Variants in SDC2 observed in about 807,000 individuals in gnomAD.
The protein encoded by SDC2 is syndecan 2, also known as syndecan-2.
Under a neutral mutation model 22.2 loss-of-function variants are expected in SDC2, and 13 were observed. The ratio of observed to expected loss-of-function variants is 0.59; its 90% confidence interval spans 0.38 to 0.93. SDC2 has a LOEUF of 0.93. SDC2 is among the 40% of genes least tolerant of loss of function. The pLI is 0.00. For synonymous variants in SDC2, 94 were observed against 92.8 expected (o/e 1.01, Z -0.07); for missense variants, 235 against 246.8 (o/e 0.95, Z 0.32).
intron 1 of SDC2, among the ~76,000 whole-genome samples, chr8:96,569,649 A>G (rs1016193393): frequency 2.6e-5 from 4 of 152,204 alleles, no homozygotes; most frequent in East Asian, 3.8e-4. Flanking sequence ...AGTGCTTACT[A>G]TGTTTTAGGC....
At chr8:96,514,433 C>T (rs567314389) in intron 1 of SDC2, among the ~76,000 whole-genome samples, 23 of 152,282 alleles carry the variant, frequency 1.5e-4, no homozygotes, top group East Asian at 1.2e-3. Context: ...TTCACTTATC[C>T]GCACTTTGAC....
intron 2 of SDC2, among the ~76,000 whole-genome samples, chr8:96,598,542 C>T (rs547299816): frequency 1.3e-5 from 2 of 151,970 alleles, no homozygotes; most frequent in Admixed American, 1.3e-4. Flanking sequence ...CGCTTGAACT[C>T]GGGAGGCGGA....
chr8:96,503,305 A>G (rs562589987), intron 1 of SDC2, among the ~76,000 whole-genome samples: 59 of 152,382 alleles, frequency 3.9e-4, no homozygotes, highest in African/African-American at 1.3e-3. Context: ...CAAGTGTACA[A>G]TAATAGAGTA....
At chr8:96,516,521 G>C (rs1439820985) in intron 1 of SDC2, among the ~76,000 whole-genome samples, 1 of 151,790 alleles carries the variant, frequency 6.6e-6, no homozygotes, top group Non-Finnish European at 1.5e-5. Flanking sequence ...AATCTAACTT[G>C]AGAATATTTT....
chr8:96,497,713 C>A (rs1440754173), intron 1 of SDC2, among the ~76,000 whole-genome samples: 1 of 152,124 alleles, frequency 6.6e-6, no homozygotes, highest in Non-Finnish European at 1.5e-5. Flanking sequence ...CACACAGAGC[C>A]CCACCAGCCC....
intron 1 of SDC2, chr8:96,529,314 T>C (rs1238977395): frequency 6.6e-6 from 1 of 152,228 alleles, no homozygotes; most frequent in Non-Finnish European, 1.5e-5. Context: ...CAAAATGTTA[T>C]TAGTAATTAT....
At position 96,578,459 on chromosome 8, in the gene SDC2, G is replaced by A. The variant is rs10113267; in HGVS notation, c.61-15021G>A. Among the ~76,000 whole-genome samples the A allele has an allele frequency of 6.0e-3, 916 of 152,334 alleles. 6 individuals are homozygous for A. Among genetic ancestry groups the A allele is most frequent in the African/African-American group, 0.021 (882 of 41,578 alleles). ...GATGTAGAACATTTCCATCATCACA[G>A]ATTTTATTAGACAGCCCTAATGCAA... On this transcript the variant is annotated intron_variant, in intron 1 of 4. Coordinates refer to ENST00000302190, the MANE Select transcript of SDC2 (RefSeq NM_002998.4).
intron 1 of SDC2, among the ~76,000 whole-genome samples, chr8:96,575,587 C>T (rs1814474489): frequency 6.6e-6 from 1 of 152,106 alleles, no homozygotes; most frequent in South Asian, 2.1e-4. Context: ...CAATTTCTTT[C>T]TTTAATTAAA....
chr8:96,501,079 A>G (rs1188330907), intron 1 of SDC2, among the ~76,000 whole-genome samples: 2 of 152,090 alleles, frequency 1.3e-5, no homozygotes, highest in Admixed American at 6.5e-5. Flanking sequence ...TATTTTGTGA[A>G]AAATGTCACA....
chr8:96,551,023 C>T (rs1006767242), intron 1 of SDC2, among the ~76,000 whole-genome samples: 5 of 152,188 alleles, frequency 3.3e-5, no homozygotes, highest in African/African-American at 4.8e-5. Context: ...AACTTGCCTC[C>T]TGCCCAGCCA....
intron 1 of SDC2, among the ~76,000 whole-genome samples, chr8:96,585,810 A>G (rs1049296074): frequency 6.6e-6 from 1 of 151,898 alleles, no homozygotes; most frequent in African/African-American, 2.4e-5. Context: ...ATATTGAATC[A>G]TGACTACAAG....
At chr8:96,506,631 G>A (rs1417681181) in intron 1 of SDC2, among the ~76,000 whole-genome samples, 1 of 151,948 alleles carries the variant, frequency 6.6e-6, no homozygotes, top group Non-Finnish European at 1.5e-5. Context: ...CACCAGTCCT[G>A]GCTGAGTTTT....
intron 3 of SDC2, among the ~76,000 whole-genome samples, chr8:96,604,474 C>T (rs979064743): frequency 2.0e-5 from 3 of 152,128 alleles, no homozygotes; most frequent in Non-Finnish European, 4.4e-5. Flanking sequence ...CTGTTTGCAG[C>T]ACTGATAATG....
chr8:96,532,954 T>C (rs927615246), intron 1 of SDC2, among the ~76,000 whole-genome samples: 3 of 152,178 alleles, frequency 2.0e-5, no homozygotes, highest in Non-Finnish European at 4.4e-5. Context: ...AATTGGTGGG[T>C]TCTTGGTCTC....
intron 1 of SDC2, among the ~76,000 whole-genome samples, chr8:96,559,076 A>G (rs1291960766): frequency 2.0e-5 from 3 of 152,222 alleles, no homozygotes; most frequent in Non-Finnish European, 2.9e-5. Flanking sequence ...TGAGTAAGTC[A>G]TCTACTTTAT....
intron 3 of SDC2, among the ~76,000 whole-genome samples, chr8:96,604,697 C>T (rs1223917593): frequency 6.6e-6 from 1 of 152,022 alleles, no homozygotes; most frequent in African/African-American, 2.4e-5. Context: ...AAGGGAATCT[C>T]GTTATTTGTT....
At chr8:96,592,626 G>A (rs990077676) in intron 1 of SDC2, among the ~76,000 whole-genome samples, 12 of 152,124 alleles carry the variant, frequency 7.9e-5, no homozygotes, top group African/African-American at 2.9e-4. Context: ...CTTTTGGCAG[G>A]ATTAGGTTGA....
Position 96,543,420 on chromosome 8 carries a change from A to G in SDC2, c.60+49089A>G, listed in dbSNP as rs111829034. On this transcript the variant is annotated intron_variant, in intron 1 of 4. Transcript: ENST00000302190. ...GGTATGAGGAAAAGCCACATTGGTA[A>G]TGAAGGAAATTAGGTAGGACCATAT... 4.1e-3 allele frequency among the ~76,000 whole-genome samples: 622 copies of G among 152,346 alleles called. 1 individual carries two copies. The highest frequency in any genetic ancestry group is 0.014 in the African/African-American group (596 of 41,588).
intron 1 of SDC2, among the ~76,000 whole-genome samples, chr8:96,588,715 T>A (rs1366534195): frequency 6.6e-6 from 1 of 152,248 alleles, no homozygotes; most frequent in Non-Finnish European, 1.5e-5. Flanking sequence ...ACCTTCTGCT[T>A]TCGTTGTTAA....
Sources: allele counts gnomAD v4.1 joint callset (sites outside exome capture counted in the v4.1 genomes callset), GRCh38; gene constraint gnomAD v4.1.1; transcripts MANE v1.5; gene names NCBI Gene and HGNC (gene_info 2026-07-23, HGNC 2026-07-21).